Variants in DPP3 observed in about 807,000 individuals in gnomAD.
DPP3 encodes the protein dipeptidyl peptidase 3, also known as DPP III.
A neutral mutation model predicts 89.8 loss-of-function variants in DPP3; 64 were observed. The observed-to-expected ratio is 0.71, with a 90% confidence interval of 0.58 to 0.88. DPP3 has a LOEUF of 0.88. Ranked by LOEUF, DPP3 falls within the 40% of genes least tolerant of loss-of-function variation. The pLI is 0.00. For missense variants in DPP3, 835 were observed against 972.5 expected (o/e 0.86, Z 1.88); for synonymous variants, 377 against 404.3 (o/e 0.93, Z 0.81).
At chr11:66,494,136 C>T (rs1474379174) in intron 12 of DPP3, among the ~76,000 whole-genome samples, 1 of 152,160 alleles carries the variant, frequency 6.6e-6, no homozygotes, top group African/African-American at 2.4e-5. Flanking sequence ...AGCCACTTCT[C>T]CCCAGAGCAG....
chr11:66,506,327 C>A (rs1855800579), intron 17 of DPP3, among the ~76,000 whole-genome samples: 1 of 151,800 alleles, frequency 6.6e-6, no homozygotes. Context: ...CGATCTTGGC[C>A]CACTGCAATC....
chr11:66,485,012 G>C (rs1855184653), intron 2 of DPP3, among the ~76,000 whole-genome samples, 161 bp from the exon 3 acceptor site: 1 of 152,180 alleles, frequency 6.6e-6, no homozygotes, highest in Admixed American at 6.5e-5. Flanking sequence ...GTGGAAGTGA[G>C]TGTGGGCCAG....
chr11:66,486,948 G>GA (rs1855246021), intron 4 of DPP3, among the ~76,000 whole-genome samples: 1 of 152,154 alleles, frequency 6.6e-6, no homozygotes, highest in South Asian at 2.1e-4. Context: ...GCTGGAGGTG[G>GA]AGGGAGCTGA....
Position 66,491,714 on chromosome 11 carries a change from G to C in DPP3, c.946G>C (p.Glu316Gln). The C allele has an allele frequency of 1.2e-6, 2 of 1,607,234 alleles. No homozygotes were observed. Among genetic ancestry groups the C allele is most frequent in the African/African-American group, 1.4e-5 (1 of 72,200 alleles). Residue 316 changes from glutamate (E) to glutamine (Q), a missense_variant, in exon 9 of 18, where the codon GAG (glutamate) becomes CAG (glutamine). By Grantham distance (29) the Glu-to-Gln change is conservative (BLOSUM62 2). Coordinates refer to ENST00000531863, the MANE Select transcript of DPP3 (RefSeq NM_130443.4). The stretch of plus-strand genomic sequence containing the variant: ...CTCCCCCAGTTACATCGGGTTCATC[G>C]AGAGCTACCGCGACCCCTTTGGTTC... ...PIVESYIGFI[E>Q]SYRDPFGSRG...
intron 9 of DPP3, 112 bp downstream of exon 9, chr11:66,491,868 G>T: frequency 8.5e-7 from 1 of 1,183,338 alleles, no homozygotes; most frequent in Non-Finnish European, 1.3e-6. Flanking sequence ...AACCATAACA[G>T]TAAGAACAGC....
At chr11:66,493,784 C>A in intron 12 of DPP3, 151 bp downstream of exon 12, 1 of 766,138 alleles carries the variant, frequency 1.3e-6, no homozygotes, top group Non-Finnish European at 2.1e-6. Context: ...AAGACCCTGT[C>A]TTGCCCTCCC....
intron 17 of DPP3, among the ~76,000 whole-genome samples, chr11:66,507,987 A>G (rs1266930699): frequency 2.6e-5 from 4 of 152,192 alleles, no homozygotes; most frequent in Non-Finnish European, 4.4e-5. Flanking sequence ...AGGTCGCTGT[A>G]AAAGCTTTCT....
chr11:66,492,980 A>G, intron 10 of DPP3, 70 bp downstream of exon 10: 2 of 1,602,602 alleles, frequency 1.2e-6, no homozygotes, highest in Non-Finnish European at 1.7e-6. Context: ...CTGTCCACAC[A>G]CACACCCTCC....
rs1208005963 is a variant in DPP3, at chr11:66,491,482, C to T, written c.799-12C>T. The T allele has an allele frequency of 3.8e-6, 6 of 1,599,406 alleles. No individual in the cohort carries two copies. Among genetic ancestry groups the T allele is most frequent in the Admixed American group, 1.7e-5 (1 of 58,740 alleles). On this transcript the variant is annotated splice_polypyrimidine_tract_variant and intron_variant, in intron 7 of 17. Coordinates refer to ENST00000531863, the MANE Select transcript of DPP3 (RefSeq NM_130443.4). ...GGGTGGCCCGAGGCTGACCGACCCC[C>T]GCTCACCTCAGGCCTATGCAGCCAA...
intron 17 of DPP3, among the ~76,000 whole-genome samples, chr11:66,507,108 G>A (rs1042543585): frequency 3.9e-5 from 6 of 151,992 alleles, no homozygotes; most frequent in South Asian, 4.1e-4. Context: ...GCGAGCCATG[G>A]GGGAGCCACT....
intron 16 of DPP3, among the ~76,000 whole-genome samples, chr11:66,499,027 G>T (rs1404744353): frequency 6.6e-6 from 1 of 151,792 alleles, no homozygotes; most frequent in Non-Finnish European, 1.5e-5. Context: ...AAAAAGAAAA[G>T]ATAACATATT....
At chr11:66,508,153 C>T (rs1006066527) in intron 17 of DPP3, among the ~76,000 whole-genome samples, 1 of 152,244 alleles carries the variant, frequency 6.6e-6, no homozygotes, top group Non-Finnish European at 1.5e-5. Flanking sequence ...CTCTTTGCTG[C>T]TGTGCAGCTT....
intron 12 of DPP3, among the ~76,000 whole-genome samples, chr11:66,493,868 GTGTAGAGCCTGGA>G (rs796107090): frequency 5.3e-5 from 8 of 152,170 alleles, no homozygotes; most frequent in East Asian, 1.9e-4. Flanking sequence ...GATGAGCCTG[GTGTAGAGCCTGGA>G]TGTAGAGCCT....
intron 16 of DPP3, among the ~76,000 whole-genome samples, chr11:66,502,723 C>T (rs1220146834): frequency 1.3e-5 from 2 of 152,166 alleles, no homozygotes; most frequent in African/African-American, 4.8e-5. Flanking sequence ...CTCGGCCTCC[C>T]AAAGTGCTGG....
At chr11:66,492,972 G>A in intron 10 of DPP3, 62 bp downstream of exon 10, 1 of 1,599,698 alleles carries the variant, frequency 6.3e-7, no homozygotes, top group Non-Finnish European at 8.5e-7. Flanking sequence ...GCCCCTCCCT[G>A]TCCACACACA....
At chr11:66,507,952 C>G (rs977002577) in intron 17 of DPP3, among the ~76,000 whole-genome samples, 1 of 152,226 alleles carries the variant, frequency 6.6e-6, no homozygotes, top group African/African-American at 2.4e-5. Context: ...GCTGGCATTA[C>G]AGGTGTGAGC....
intron 1 of DPP3, 155 bp downstream of exon 1, chr11:66,480,620 A>T: frequency 1.1e-6 from 1 of 872,978 alleles, no homozygotes; most frequent in East Asian, 3.4e-5. Context: ...TGCTCCGGGG[A>T]GCAAAGAGTT....
chr11:66,486,730 G>A lies in DPP3; in HGVS notation c.498+53G>A, dbSNP rs1440656392. 3 of 1,434,774 alleles carry A rather than the reference G, an allele frequency of 2.1e-6. No individual in the cohort carries two copies. In the Admixed American group the frequency reaches 7.9e-5, roughly 38 times the overall value. The allele number at this position is 1,434,774 out of a possible 1,614,324, so 88.9% of individuals were successfully genotyped here. ...CAGGGAGTGGAGGGAATCCTTCAAG[G>A]CCACCTGGTAAGGAGGGAAGGACAC... On this transcript the variant is annotated intron_variant, in intron 4 of 17. Transcript: ENST00000531863.
intron 16 of DPP3, among the ~76,000 whole-genome samples, chr11:66,500,196 CAT>C (rs1855645485): frequency 1.3e-5 from 2 of 151,948 alleles, no homozygotes; most frequent in African/African-American, 4.8e-5. Flanking sequence ...CTACCAAAAA[CAT>C]AAAAAATTAG....
Sources: allele counts gnomAD v4.1 joint callset (sites outside exome capture counted in the v4.1 genomes callset), GRCh38; gene constraint gnomAD v4.1.1; transcripts MANE v1.5; gene names NCBI Gene and HGNC (gene_info 2026-07-23, HGNC 2026-07-21).